Variants in PXK observed in about 807,000 individuals in gnomAD.
PXK encodes PX domain containing serine/threonine kinase like.
PXK carries 35 observed loss-of-function variants against 84.7 expected under a neutral mutation model. That is an observed-to-expected ratio of 0.41 (90% CI 0.32 to 0.55). The LOEUF (loss-of-function observed/expected upper bound fraction) is 0.55, where lower values mean the gene tolerates loss of function less well. Ranked by LOEUF, PXK falls within the 20% of genes least tolerant of loss-of-function variation. The pLI is 0.21. For synonymous variants in PXK, 253 were observed against 260.8 expected (o/e 0.97, Z 0.29); for missense variants, 634 against 699.7 (o/e 0.91, Z 1.06).
Position 58,397,728 on chromosome 3 carries a change from T to C in PXK, c.1102+6T>C. 6.2e-7 allele frequency: 1 copy of C among 1,607,704 alleles called. No individual in the cohort carries two copies. ...TGCCCCGTCCATGGCTGTGGGTCAG[T>C]ATGGGGTTGGGAAGGGTCTTCTGGG... On this transcript the variant is annotated splice_donor_region_variant and intron_variant, in intron 11 of 17. Transcript: ENST00000356151. The surrounding 1 kb of genome is among the most constrained non-coding windows in gnomAD (Gnocchi z 4.7).
At chr3:58,350,447 C>G (rs987404863) in intron 1 of PXK, among the ~76,000 whole-genome samples, 1 of 152,132 alleles carries the variant, frequency 6.6e-6, no homozygotes, top group East Asian at 1.9e-4. Context: ...TCAGCTTCCC[C>G]CTGACTTGAT....
At chr3:58,419,133 G>C (rs942851965) in intron 17 of PXK, among the ~76,000 whole-genome samples, 1 of 149,624 alleles carries the variant, frequency 6.7e-6, no homozygotes, top group Non-Finnish European at 1.5e-5. Context: ...AACCCAGCAA[G>C]TCTGTCTGTC....
At chr3:58,358,179 GT>G (rs2098123351) in intron 1 of PXK, among the ~76,000 whole-genome samples, 1 of 152,162 alleles carries the variant, frequency 6.6e-6, no homozygotes, top group African/African-American at 2.4e-5. Context: ...CACTGTTTTA[GT>G]CATTTTGATA....
chr3:58,356,897 G>A (rs1357020754), intron 1 of PXK, among the ~76,000 whole-genome samples: 1 of 55,122 alleles, frequency 1.8e-5, no homozygotes, highest in East Asian at 1.3e-3. Flanking sequence ...CACTGCGCCC[G>A]GCCTCTTTTT....
chr3:58,365,631 T>C (rs2098259134), intron 1 of PXK, among the ~76,000 whole-genome samples: 1 of 152,244 alleles, frequency 6.6e-6, no homozygotes, highest in African/African-American at 2.4e-5. Flanking sequence ...TTCAGTTTTA[T>C]CAGTTTTTTG....
At chr3:58,419,716 G>A (rs2061529989) in intron 17 of PXK, among the ~76,000 whole-genome samples, 1 of 152,240 alleles carries the variant, frequency 6.6e-6, no homozygotes, top group Non-Finnish European at 1.5e-5. Flanking sequence ...CAATGGTACT[G>A]AGAAGGCTGG....
intron 4 of PXK, among the ~76,000 whole-genome samples, chr3:58,384,360 A>C (rs1004770496): frequency 6.6e-6 from 1 of 152,210 alleles, no homozygotes; most frequent in African/African-American, 2.4e-5. Context: ...AGTGCTCTAC[A>C]GGGCTAAGGA....
chr3:58,333,609 G>C lies in PXK; in HGVS notation c.102+519G>C. 1 of 456,696 alleles carries C rather than the reference G, an allele frequency of 2.2e-6. No individual in the cohort carries two copies. The highest frequency in any genetic ancestry group is 4.4e-6 in the Non-Finnish European group (1 of 226,948). The allele number at this position is 456,696 out of a possible 1,614,324, so 28.3% of individuals were successfully genotyped here. On this transcript the variant is annotated intron_variant, in intron 1 of 17. Coordinates refer to ENST00000356151, the MANE Select transcript of PXK (RefSeq NM_017771.5). This position sits in a 1 kb window ranked among gnomAD's most constrained non-coding sequence, Gnocchi z 5.4. ...AGCAGAGTGTAAGTGGCTGGGGTCT[G>C]CAGCCCCGTTTCCAGGTCAGCCGCT...
At position 58,399,333 on chromosome 3, in the gene PXK, C is replaced by A. The variant is rs1277136082; in HGVS notation, c.1137C>A (p.Ala379=). ...AVLESTLSCE[A]CKNGMPTISR... ...TGGAGTCTACGCTGTCTTGTGAAGC[C>A]TGTAAAAATGGCATGCCTACCATCT... Residue 379 remains alanine (A), a synonymous_variant, in exon 12 of 18, where the codon GCC becomes GCA. Transcript: ENST00000356151. The surrounding 1 kb of genome is among the most constrained non-coding windows in gnomAD (Gnocchi z 4.3). The A allele has an allele frequency of 6.2e-7, 1 of 1,614,060 alleles. No individual in the cohort carries two copies. Among genetic ancestry groups the A allele is most frequent in the African/African-American group, 1.3e-5 (1 of 74,932 alleles).
At chr3:58,378,770 A>G (rs957559578) in intron 3 of PXK, among the ~76,000 whole-genome samples, 4 of 151,918 alleles carry the variant, frequency 2.6e-5, no homozygotes, top group African/African-American at 7.3e-5. Context: ...TCCCGACTTC[A>G]GGTGATTCGC....
intron 3 of PXK, among the ~76,000 whole-genome samples, chr3:58,371,896 T>A (rs2108550132): frequency 6.6e-6 from 1 of 152,264 alleles, no homozygotes; most frequent in African/African-American, 2.4e-5. Context: ...TTTTTGGCAG[T>A]GAAATAATTT....
intron 13 of PXK, among the ~76,000 whole-genome samples, 169 bp from the exon 14 acceptor site, chr3:58,408,755 C>T (rs954802616): frequency 6.6e-6 from 1 of 152,132 alleles, no homozygotes; most frequent in Non-Finnish European, 1.5e-5. Flanking sequence ...ATCTCCTGAC[C>T]GCGTGATCCG....
At chr3:58,349,716 C>A (rs1264696436) in intron 1 of PXK, among the ~76,000 whole-genome samples, 1 of 152,172 alleles carries the variant, frequency 6.6e-6, no homozygotes, top group Non-Finnish European at 1.5e-5. Flanking sequence ...TGCACACTAT[C>A]CAGTATTTTA....
At position 58,333,149 on chromosome 3, in the gene PXK, G is replaced by T. The variant is rs1334918909; in HGVS notation, c.102+59G>T. The T allele has an allele frequency of 4.1e-6, 4 of 979,038 alleles. No individual in the cohort carries two copies. Among genetic ancestry groups the T allele is most frequent in the Non-Finnish European group, 4.9e-6 (4 of 811,932 alleles). The allele number at this position is 979,038 out of a possible 1,614,324, so 60.6% of individuals were successfully genotyped here. A position where few individuals can be genotyped will look rare whatever the true frequency, so the allele number is the denominator to read the frequency against. On this transcript the variant is annotated intron_variant, in intron 1 of 17. Transcript: ENST00000356151. This position sits in a 1 kb window ranked among gnomAD's most constrained non-coding sequence, Gnocchi z 5.4. ...GGCGGCCCCGGGCCGCGAGGGGGCT[G>T]CGGGCTGCCTGGCGCGGGCCGGGCA...
At chr3:58,338,343 C>T (rs1018336045) in intron 1 of PXK, among the ~76,000 whole-genome samples, 1 of 151,010 alleles carries the variant, frequency 6.6e-6, no homozygotes, top group Admixed American at 6.6e-5. Context: ...TTTCTTTAGG[C>T]CAGGCGCGGT....
At chr3:58,334,008 T>A (rs1443816409) in intron 1 of PXK, among the ~76,000 whole-genome samples, 1 of 152,130 alleles carries the variant, frequency 6.6e-6, no homozygotes, top group African/African-American at 2.4e-5. Context: ...AGAGATTCCT[T>A]CAATTGTGAT....
In PXK at chr3:58,412,233, A is replaced by G. The variant is rs1396978055; in HGVS notation, c.1466-668A>G. Among the ~76,000 whole-genome samples the G allele has an allele frequency of 1.3e-5, 2 of 152,174 alleles. No individual in the cohort carries two copies. Among genetic ancestry groups the G allele is most frequent in the Non-Finnish European group, 2.9e-5 (2 of 68,036 alleles). On this transcript the variant is annotated intron_variant, in intron 16 of 17. Transcript: ENST00000356151. The surrounding 1 kb of genome is among the most constrained non-coding windows in gnomAD (Gnocchi z 6.2). ...ATGTCAGCTCAGGAAGATATTTTCT[A>G]GGGATCGCCAAGTAATGGGGAGATG... is the stretch of plus-strand genomic sequence containing the variant.
At position 58,403,927 on chromosome 3, in the gene PXK, C is replaced by A; in HGVS notation, c.1230+17C>A. ...CAGTTTAAGGTAAAGACAATTATAT[C>A]GTTTTTTGGTTTGTGACATAACTAA... On this transcript the variant is annotated intron_variant, in intron 13 of 17. Transcript: ENST00000356151. The A allele has an allele frequency of 6.8e-7, 1 of 1,465,998 alleles. No homozygotes were observed. Among genetic ancestry groups the A allele is most frequent in the Non-Finnish European group, 9.2e-7 (1 of 1,087,688 alleles). The allele number at this position is 1,465,998 out of a possible 1,614,324, so 90.8% of individuals were successfully genotyped here.
intron 7 of PXK, among the ~76,000 whole-genome samples, chr3:58,394,287 C>T (rs2098659563): frequency 6.6e-6 from 1 of 152,214 alleles, no homozygotes; most frequent in Non-Finnish European, 1.5e-5. Context: ...GTTTGTTTCA[C>T]GTAACCAGAA....
Sources: allele counts gnomAD v4.1 joint callset (sites outside exome capture counted in the v4.1 genomes callset), GRCh38; gene constraint gnomAD v4.1.1; non-coding constraint Gnocchi (gnomAD v3.1); transcripts MANE v1.5; gene names NCBI Gene and HGNC (gene_info 2026-07-23, HGNC 2026-07-21).